The following THAP10 variants were observed in gnomAD, a reference collection of about 807,000 sequenced individuals.
The protein encoded by THAP10 is THAP domain-containing protein 10.
A neutral mutation model predicts 15.7 loss-of-function variants in THAP10; 10 were observed. The ratio of observed to expected loss-of-function variants is 0.64; its 90% CI spans 0.39 to 1.08. The LOEUF (loss-of-function observed/expected upper bound fraction) is 1.08, where lower values mean the gene tolerates loss of function less well. THAP10 is among the 50% of genes least tolerant of loss of function. THAP10 has a pLI of 0.01. For missense variants in THAP10, 310 were observed against 330.9 expected (o/e 0.94, Z 0.49); for synonymous variants, 127 against 129.1 (o/e 0.98, Z 0.11).
At chr15:70,882,687 C>T (rs780804830) in intron 2 of THAP10, 37 bp from the exon 3 acceptor site, 1 of 1,611,276 alleles carries the variant, frequency 6.2e-7, no homozygotes, top group Non-Finnish European at 8.5e-7. Context: ...ATGAGTTAGA[C>T]TTTGCTTTTC....
intron 1 of THAP10, among the ~76,000 whole-genome samples, chr15:70,888,361 A>G (rs1294462686): frequency 6.6e-6 from 1 of 152,208 alleles, no homozygotes; most frequent in East Asian, 1.9e-4. Context: ...AAACAGACCT[A>G]TGCATATAAA....
Position 70,892,294 on chromosome 15 carries a change from G to A in THAP10, c.-22C>T, listed in dbSNP as rs1370688417. The A allele has an allele frequency of 6.4e-7, 1 of 1,552,218 alleles. No homozygotes were observed. The highest frequency in any genetic ancestry group is 2.4e-5 in the East Asian group (1 of 41,100). On this transcript the variant is annotated 5_prime_UTR_variant, in exon 1 of 3. Coordinates refer to ENST00000249861, the MANE Select transcript of THAP10 (RefSeq NM_020147.4). ...GCATGGCGGCCGTCTTCGGTGCGCG[G>A]GAGCCGGGTTCCCTGGACCTTCGCC...
intron 1 of THAP10, among the ~76,000 whole-genome samples, chr15:70,891,567 CTGTGTGTGTGTG>C (rs3220843): frequency 0.019 from 2,651 of 137,114 alleles, 67 homozygotes; most frequent in African/African-American, 0.052. Context: ...GGACAAGACT[CTGTGTGTGTGTG>C]TGTGTGTGTG....
rs540295060 is a variant in THAP10 at position 70,881,978 on chromosome 15, G to A, written c.*476C>T. ...ATAAATAACATAAAAAATAGTCAAG[G>A]GTAGATGTCCTGGCTTCACTACCAA... On this transcript the variant is annotated 3_prime_UTR_variant, in exon 3 of 3. Coordinates refer to ENST00000249861, the MANE Select transcript of THAP10 (RefSeq NM_020147.4). The A allele has an allele frequency of 6.5e-6, 1 of 153,580 alleles. No individual in the cohort carries two copies. Among genetic ancestry groups the A allele is most frequent in the Non-Finnish European group, 1.4e-5 (1 of 69,022 alleles). The allele number at this position is 153,580 out of a possible 1,614,324, so 9.5% of individuals were successfully genotyped here.
At chr15:70,891,291 G>C (rs566516782) in intron 1 of THAP10, among the ~76,000 whole-genome samples, 1 of 152,282 alleles carries the variant, frequency 6.6e-6, no homozygotes, top group East Asian at 1.9e-4. Context: ...TAGGGATACT[G>C]AACTTAAAGG....
Position 70,882,253 on chromosome 15 carries a change from A to C in THAP10, c.*201T>G. The C allele has an allele frequency of 6.7e-6, 3 of 449,560 alleles. No homozygotes were observed. The highest frequency in any genetic ancestry group is 7.8e-6 in the Non-Finnish European group (2 of 256,908). The allele number at this position is 449,560 out of a possible 1,614,324, so 27.8% of individuals were successfully genotyped here. On this transcript the variant is annotated 3_prime_UTR_variant, in exon 3 of 3. Transcript: ENST00000249861. ...TTAAAAGAAAAAAAAAGGTGAAAGT[A>C]GAGAATAGGGATGTTTGTGGGTAGG...
intron 1 of THAP10, among the ~76,000 whole-genome samples, chr15:70,887,248 AG>A (rs1416741287): frequency 2.6e-5 from 4 of 152,154 alleles, no homozygotes; most frequent in Admixed American, 2.0e-4. Context: ...GAATGAAAAA[AG>A]AAGGAACAAT....
Position 70,891,951 on chromosome 15 carries a change from G to A in THAP10, c.322C>T (p.Arg108Cys). Residue 108 changes from arginine (R) to cysteine (C), a missense_variant, in exon 1 of 3, where the codon CGC becomes TGC. Transcript: ENST00000249861. Reference sequence around the variant, plus strand: ...TGGAGCTCTCCTCGCGTGTCCAGGCGGCCTGCTTGGTCTCCCTCCTCTCCC... The same window carrying A: ...TGGAGCTCTCCTCGCGTGTCCAGGCAGCCTGCTTGGTCTCCCTCCTCTCCC... Reference protein sequence around the residue: ...KRGEEGDQAGRLDTRGELQAA... With the variant: ...KRGEEGDQAGCLDTRGELQAA... The A allele has an allele frequency of 6.2e-7, 1 of 1,613,588 alleles. No individual in the cohort carries two copies. The highest frequency in any genetic ancestry group is 8.5e-7 in the Non-Finnish European group (1 of 1,179,844).
chr15:70,889,978 TCA>T (rs1299941677), intron 1 of THAP10, among the ~76,000 whole-genome samples: 1 of 152,212 alleles, frequency 6.6e-6, no homozygotes, highest in African/African-American at 2.4e-5. Context: ...ATTTTAGAAC[TCA>T]CAGTTTTCTA....
intron 1 of THAP10, among the ~76,000 whole-genome samples, chr15:70,886,576 T>C (rs887890857): frequency 3.3e-5 from 5 of 152,026 alleles, no homozygotes; most frequent in Admixed American, 6.6e-5. Context: ...CTAATAAAAA[T>C]TGATAAACCG....
chr15:70,887,420 C>G (rs1306351401), intron 1 of THAP10, among the ~76,000 whole-genome samples: 2 of 152,090 alleles, frequency 1.3e-5, no homozygotes, highest in East Asian at 3.8e-4. Flanking sequence ...GAATAAAACA[C>G]TTTGACCAAA....
chr15:70,882,537 CT>C lies in THAP10; in HGVS notation c.690del (p.Glu231LysfsTer22). The C allele has an allele frequency of 8.7e-6, 14 of 1,613,924 alleles. No individual in the cohort carries two copies. Among genetic ancestry groups the C allele is most frequent in the Non-Finnish European group, 1.2e-5 (14 of 1,179,850 alleles). ...TTGATATCCCAGTCTGTATCTGTTT[CT>C]GAATCACTGGAGTAAATGTCAAAGA... ...SSLFDIYSSDSETDTDWDIKS... is the reference protein window; with the variant it reads ...SSLFDIYSSDXETDTDWDIKS... On this transcript the variant is annotated frameshift_variant, in exon 3 of 3. Transcript: ENST00000249861. LOFTEE classifies it high-confidence loss of function.
intron 1 of THAP10, among the ~76,000 whole-genome samples, chr15:70,885,214 G>C (rs2141086969): frequency 6.6e-6 from 1 of 152,174 alleles, no homozygotes; most frequent in South Asian, 2.1e-4. Flanking sequence ...GAACAAGGCA[G>C]AAAGAGACAA....
chr15:70,891,379 T>C (rs1460432024), intron 1 of THAP10, among the ~76,000 whole-genome samples: 1 of 152,226 alleles, frequency 6.6e-6, no homozygotes, highest in Non-Finnish European at 1.5e-5. Context: ...CATCTTCATC[T>C]GTAGCTCCAC....
chr15:70,891,808 G>A (rs1188313492), intron 1 of THAP10, 36 bp downstream of exon 1: 1 of 1,499,028 alleles, frequency 6.7e-7, no homozygotes, highest in Non-Finnish European at 8.9e-7. Context: ...CCAGAGTCCA[G>A]GGGTCCTTAC....
chr15:70,886,728 C>T (rs1021367545), intron 1 of THAP10, among the ~76,000 whole-genome samples: 8 of 151,878 alleles, frequency 5.3e-5, no homozygotes, highest in Admixed American at 2.0e-4. Flanking sequence ...TAGCTGGGTG[C>T]GGTGGCAGGC....
In THAP10 at chr15:70,882,374, G is replaced by T. The variant is rs2033284091; in HGVS notation, c.*80C>A. 1 of 1,246,294 alleles carries T rather than the reference G, an allele frequency of 8.0e-7. No individual in the cohort carries two copies. The highest frequency in any genetic ancestry group is 2.2e-5 in the Admixed American group (1 of 46,056). The allele number at this position is 1,246,294 out of a possible 1,614,324, so 77.2% of individuals were successfully genotyped here. On this transcript the variant is annotated 3_prime_UTR_variant, in exon 3 of 3. Coordinates refer to ENST00000249861, the MANE Select transcript of THAP10 (RefSeq NM_020147.4). Reference sequence around the variant, plus strand: ...ACTGTCAAATTATCTTGAAGTGAAAGATTTACAATAGCAAAGAGATAATTA... The same window carrying T: ...ACTGTCAAATTATCTTGAAGTGAAATATTTACAATAGCAAAGAGATAATTA...
intron 1 of THAP10, among the ~76,000 whole-genome samples, chr15:70,890,050 T>A (rs774337249): frequency 1.3e-5 from 2 of 152,214 alleles, no homozygotes; most frequent in Non-Finnish European, 2.9e-5. Context: ...TGGTTATACT[T>A]ACTAAATGGA....
rs1459134703 is a variant in THAP10 at position 70,881,533 on chromosome 15, G to A, written c.*921C>T. On this transcript the variant is annotated 3_prime_UTR_variant, in exon 3 of 3. Transcript: ENST00000249861. The stretch of plus-strand genomic sequence containing the variant: ...TTGTTATTCTCAATGGAAGATCAGA[G>A]TTATAGTATGCTTCTCAGAAACTAT... 1 of 152,150 alleles carries A rather than the reference G, an allele frequency of 6.6e-6. No homozygotes were observed. The highest frequency in any genetic ancestry group is 1.5e-5 in the Non-Finnish European group (1 of 68,030). The allele number at this position is 152,150 out of a possible 1,614,324, so 9.4% of individuals were successfully genotyped here. A position where few individuals can be genotyped will look rare whatever the true frequency, so the allele number is the denominator to read the frequency against.
Sources: allele counts gnomAD v4.1 joint callset (sites outside exome capture counted in the v4.1 genomes callset), GRCh38; gene constraint gnomAD v4.1.1; transcripts MANE v1.5; gene names NCBI Gene and HGNC (gene_info 2026-07-23, HGNC 2026-07-21).